The following TRIM51 variants were observed in gnomAD, a reference collection of about 807,000 sequenced individuals.
TRIM51 encodes the protein tripartite motif-containing 51.
In TRIM51, 23 loss-of-function variants were observed where a neutral mutation model predicts 32.7. That is an observed-to-expected ratio of 0.70 (90% CI 0.51 to 1.00). The LOEUF is 1.00. TRIM51 is among the 50% of genes least tolerant of loss of function. TRIM51 has a pLI of 0.00. For missense variants in TRIM51, 592 were observed against 539.2 expected, an observed-to-expected ratio of 1.10 and a Z score of -0.97; for synonymous variants, 177 against 181.9, an observed-to-expected ratio of 0.97 and a Z score of 0.22.
rs747662145 is a variant in TRIM51, at chr11:55,889,935, C to T, written c.762-7C>T. The T allele has an allele frequency of 8.7e-6, 14 of 1,609,406 alleles. No homozygotes were observed. The highest frequency in any genetic ancestry group is 2.7e-5 in the African/African-American group (2 of 74,758). On this transcript the variant is annotated splice_region_variant and splice_polypyrimidine_tract_variant and intron_variant, in intron 5 of 6. Transcript: ENST00000449290. ...TAGATGTGATAACCCTATCTTTCCC[C>T]TTGCAGGTATGAGTCTCTGCTGCTG...
chr11:55,888,491 G>C (rs954525169), intron 4 of TRIM51, among the ~76,000 whole-genome samples: 2 of 152,160 alleles, frequency 1.3e-5, no homozygotes, highest in African/African-American at 4.8e-5. Flanking sequence ...GAATGGCTAA[G>C]GTAACAGACA....
Position 55,891,084 on chromosome 11 carries a change from A to G in TRIM51, c.860-49A>G, listed in dbSNP as rs746970272. On this transcript the variant is annotated intron_variant, in intron 6 of 6. Coordinates refer to ENST00000449290, the MANE Select transcript of TRIM51 (RefSeq NM_032681.4). ...AACAACATTTCCCTCAAGAATTCTA[A>G]TTTCTATTAATTACATGTATCTATA... is the stretch of plus-strand genomic sequence containing the variant. 3.9e-5 allele frequency: 54 copies of G among 1,399,190 alleles called. No homozygotes were observed. In the South Asian group the frequency reaches 6.7e-4, roughly 17 times the overall value. The allele number at this position is 1,399,190 out of a possible 1,614,324, so 86.7% of individuals were successfully genotyped here. A position where few individuals can be genotyped will look rare whatever the true frequency, so the allele number is the denominator to read the frequency against.
At chr11:55,883,526 G>A (rs1448562112) in intron 1 of TRIM51, 142 bp downstream of exon 1, 1 of 152,004 alleles carries the variant, frequency 6.6e-6, no homozygotes, top group Non-Finnish European at 1.5e-5. Context: ...TATGACATGA[G>A]GTTATGACAT....
At position 55,891,405 on chromosome 11, in the gene TRIM51, T is replaced by C. The variant is rs760679360; in HGVS notation, c.1132T>C (p.Phe378Leu). 8 of 1,612,488 alleles carry C rather than the reference T, an allele frequency of 5.0e-6. No individual in the cohort carries two copies. The highest frequency in any genetic ancestry group is 2.5e-6 in the Non-Finnish European group (3 of 1,179,734). ...NDKIDGEEGL[F>L]LLGCVKEDTH... ...CAAGATAGATGGAGAGGAGGGACTC[T>C]TTCTTCTTGGATGTGTTAAGGAGGA... The change falls in exon 7 of 7, where the codon TTT (phenylalanine) becomes CTT (leucine). Residue 378 changes from phenylalanine (F) to leucine (L), a missense_variant. By Grantham distance (22) the Phe-to-Leu change is conservative. Transcript: ENST00000449290.
Position 55,888,221 on chromosome 11 carries a change from C to A in TRIM51, c.697C>A (p.Leu233Met). ...GCTTTTAAGAGGAATGTATGAGGAT[C>A]TGAAGCAAATGTGCCATAAAGCAGA... is the stretch of plus-strand genomic sequence containing the variant. The part of the protein sequence containing the change: ...RELLRGMYED[L>M]KQMCHKADVE... Residue 233 changes from leucine (L) to methionine (M), a missense_variant, in exon 4 of 7, where the codon CTG becomes ATG. By Grantham distance (15) the Leu-to-Met change is conservative (BLOSUM62 2). Transcript: ENST00000449290. The A allele has an allele frequency of 1.2e-6, 2 of 1,613,464 alleles. No homozygotes were observed. Among genetic ancestry groups the A allele is most frequent in the Non-Finnish European group, 1.7e-6 (2 of 1,179,564 alleles).
Position 55,885,843 on chromosome 11 carries a change from A to G in TRIM51, c.411+4A>G, listed in dbSNP as rs764204903. 61 of 1,611,576 alleles carry G rather than the reference A, an allele frequency of 3.8e-5. No individual in the cohort carries two copies. The highest frequency in any genetic ancestry group is 6.7e-5 in the Admixed American group (4 of 59,966). On this transcript the variant is annotated splice_donor_region_variant and intron_variant, in intron 2 of 6. Transcript: ENST00000449290. The stretch of plus-strand genomic sequence containing the variant: ...GTGGGCTGCTGAGGAACGCCGGGTA[A>G]GTGATGCCTCTGAAGATCTATTTCT...
Position 55,891,549 on chromosome 11 carries a change from G to C in TRIM51, c.1276G>C (p.Asp426His). ...EGRTVSFVDV[D>H]QSSLIYTIPN... ...TAGAACCGTGAGCTTTGTTGATGTT[G>C]ATCAAAGTTCCCTGATATACACCAT... Residue 426 changes from aspartate (D) to histidine (H), a missense_variant, in exon 7 of 7, where the codon GAT becomes CAT. Physicochemically the swap from Asp to His is moderately conservative, Grantham distance 81. Transcript: ENST00000449290. 1 of 1,613,508 alleles carries C rather than the reference G, an allele frequency of 6.2e-7. No individual in the cohort carries two copies. Among genetic ancestry groups the C allele is most frequent in the South Asian group, 1.1e-5 (1 of 91,074 alleles).
At chr11:55,885,934 C>G (rs1194156180) in intron 2 of TRIM51, 95 bp downstream of exon 2, 4 of 1,586,002 alleles carry the variant, frequency 2.5e-6, no homozygotes, top group East Asian at 2.3e-5. Flanking sequence ...ATCTCTGTGT[C>G]CCCTTAAGCA....
chr11:55,890,825 A>G (rs1565140252), intron 6 of TRIM51, among the ~76,000 whole-genome samples: 3 of 152,178 alleles, frequency 2.0e-5, no homozygotes, highest in Admixed American at 1.3e-4. Flanking sequence ...CTTGATAGCT[A>G]AAGGGCATTC....
In TRIM51 at chr11:55,885,801, A is replaced by G. The variant is rs1208813968; in HGVS notation, c.373A>G (p.Ile125Val). ...CSNSQEHRNH[I>V]HCPIEWAAEE... is the part of the protein sequence containing the mutation. ...CAACTCTCAGGAGCACCGGAATCACATACACTGTCCCATTGAGTGGGCTGC... is the reference window on the plus strand; with the variant it reads ...CAACTCTCAGGAGCACCGGAATCACGTACACTGTCCCATTGAGTGGGCTGC... The change falls in exon 2 of 7, where the codon ATA becomes GTA. Residue 125 changes from isoleucine to valine, a missense_variant. Physicochemically the swap from Ile to Val is conservative, Grantham distance 29. Transcript: ENST00000449290. The G allele has an allele frequency of 2.5e-6, 4 of 1,611,808 alleles. No individual in the cohort carries two copies. Among genetic ancestry groups the G allele is most frequent in the Non-Finnish European group, 3.4e-6 (4 of 1,179,708 alleles).
At chr11:55,888,579 ATTGGC>A (rs1320385157) in intron 4 of TRIM51, among the ~76,000 whole-genome samples, 2 of 152,200 alleles carry the variant, frequency 1.3e-5, no homozygotes, top group African/African-American at 4.8e-5. Context: ...GAAGTGATTC[ATTGGC>A]ATTTAGGCTA....
At chr11:55,887,403 G>T (rs1376770858) in intron 3 of TRIM51, among the ~76,000 whole-genome samples, 2 of 151,006 alleles carry the variant, frequency 1.3e-5, no homozygotes, top group Admixed American at 6.6e-5. Context: ...CTATATTTGA[G>T]AAATATATAT....
chr11:55,884,157 C>CTATATATATA (rs143840865), intron 1 of TRIM51, among the ~76,000 whole-genome samples: 2,072 of 61,352 alleles, frequency 0.034, 189 homozygotes, highest in South Asian at 0.05. Context: ...ATAACTATAA[C>CTATATATATA]TATATATATA....
chr11:55,888,755 C>T (rs890105387), intron 4 of TRIM51, among the ~76,000 whole-genome samples: 6 of 152,076 alleles, frequency 3.9e-5, no homozygotes, highest in Non-Finnish European at 7.4e-5. Context: ...TCTCCCTTCA[C>T]TTGTGAAGAG....
chr11:55,885,806 C>G lies in TRIM51; in HGVS notation c.378C>G (p.His126Gln), dbSNP rs1266220903. 2 of 1,611,810 alleles carry G rather than the reference C, an allele frequency of 1.2e-6. No individual in the cohort carries two copies. Among genetic ancestry groups the G allele is most frequent in the African/African-American group, 2.7e-5 (2 of 74,958 alleles). ...SNSQEHRNHIHCPIEWAAEER... is the reference protein window; with the variant it reads ...SNSQEHRNHIQCPIEWAAEER... ...CTCAGGAGCACCGGAATCACATACA[C>G]TGTCCCATTGAGTGGGCTGCTGAGG... Residue 126 changes from histidine (H) to glutamine (Q), a missense_variant, in exon 2 of 7, where the codon CAC becomes CAG. Physicochemically the swap from His to Gln is conservative, Grantham distance 24. Coordinates refer to ENST00000449290, the MANE Select transcript of TRIM51 (RefSeq NM_032681.4).
In TRIM51 at chr11:55,885,618, C is replaced by A; in HGVS notation, c.190C>A (p.Leu64Ile). The A allele has an allele frequency of 2.5e-6, 4 of 1,611,192 alleles. No individual in the cohort carries two copies. Among genetic ancestry groups the A allele is most frequent in the Non-Finnish European group, 3.4e-6 (4 of 1,179,404 alleles). Residue 64 changes from leucine (L) to isoleucine (I), a missense_variant, in exon 2 of 7, where the codon CTC (leucine) becomes ATC (isoleucine). Transcript: ENST00000449290. ...ECKKTTRQRN[L>I]NTDICLKNMA... ...CAAGAAGACAACGCGGCAGAGAAACCTCAACACTGACATTTGTTTGAAGAA... is the reference window on the plus strand; with the variant it reads ...CAAGAAGACAACGCGGCAGAGAAACATCAACACTGACATTTGTTTGAAGAA...
rs374916716 is a variant in TRIM51, at chr11:55,891,530, C to T, written c.1257C>T (p.Thr419=). ...TATTCCTGGATTGTGAAGGTAGAACCGTGAGCTTTGTTGATGTTGATCAAA... is the reference window on the plus strand; with the variant it reads ...TATTCCTGGATTGTGAAGGTAGAACTGTGAGCTTTGTTGATGTTGATCAAA... ...VGLFLDCEGR[T]VSFVDVDQSS... The change falls in exon 7 of 7, where the codon ACC becomes ACT. Residue 419 remains threonine (T), a synonymous_variant. Transcript: ENST00000449290. The T allele has an allele frequency of 5.6e-5, 91 of 1,613,372 alleles. No homozygotes were observed. The South Asian group carries it at 6.0e-4, about 11-fold the overall frequency.
chr11:55,885,792 C>T lies in TRIM51; in HGVS notation c.364C>T (p.Arg122Trp), dbSNP rs1854569773. The T allele has an allele frequency of 1.2e-5, 20 of 1,611,732 alleles. No homozygotes were observed. The highest frequency in any genetic ancestry group is 1.4e-5 in the Non-Finnish European group (16 of 1,179,702). ...GCCGTGCTCCAACTCTCAGGAGCAC[C>T]GGAATCACATACACTGTCCCATTGA... Reference protein sequence around the residue: ...CLPCSNSQEHRNHIHCPIEWA... With the variant: ...CLPCSNSQEHWNHIHCPIEWA... Residue 122 changes from arginine (R) to tryptophan (W), a missense_variant, in exon 2 of 7, where the codon CGG becomes TGG. By Grantham distance (101) the Arg-to-Trp change is moderately radical. Coordinates refer to ENST00000449290, the MANE Select transcript of TRIM51 (RefSeq NM_032681.4).
intron 6 of TRIM51, 60 bp downstream of exon 6, chr11:55,890,099 G>C (rs1854629803): frequency 8.2e-7 from 1 of 1,222,458 alleles, no homozygotes; most frequent in South Asian, 1.3e-5. Flanking sequence ...AGAATCATGG[G>C]GGTAGTATTT....
Sources: gnomAD v4.1 joint callset for allele counts (sites outside exome capture counted in the v4.1 genomes callset) on GRCh38, gnomAD v4.1.1 for gene constraint, MANE v1.5 for transcripts, NCBI Gene and HGNC (gene_info 2026-07-23, HGNC 2026-07-21) for gene names.